Variants in IL17RD observed in about 807,000 individuals in gnomAD.
IL17RD encodes interleukin 17 receptor D.
Under a neutral mutation model 80.5 loss-of-function variants are expected in IL17RD, and 52 were observed. The ratio of observed to expected loss-of-function variants is 0.65; its 90% confidence interval spans 0.52 to 0.81. IL17RD has a LOEUF of 0.81. IL17RD is among the 40% of genes least tolerant of loss of function. The pLI is 0.00. For missense variants in IL17RD, 1,024 were observed against 955.1 expected, an observed-to-expected ratio of 1.07 and a Z score of -0.95; for synonymous variants, 416 against 391.8, an observed-to-expected ratio of 1.06 and a Z score of -0.73.
chr3:57,163,974 GT>G (rs977162488), intron 1 of IL17RD, among the ~76,000 whole-genome samples: 2 of 152,148 alleles, frequency 1.3e-5, no homozygotes, highest in Non-Finnish European at 2.9e-5. Flanking sequence ...CTAAGGGAGT[GT>G]TATGTCCTAG....
At position 57,093,964 on chromosome 3, in the gene IL17RD, T is replaced by C. The variant is rs770541597; in HGVS notation, c.*2429A>G. ...TCCCTGGTCTCTTTTCTAGAGGACG[T>C]TGTCTAACCTATCTACACAAGCCTT... On this transcript the variant is annotated 3_prime_UTR_variant, in exon 13 of 13. Transcript: ENST00000296318. 2 of 151,544 alleles carry C rather than the reference T, an allele frequency of 1.3e-5. No homozygotes were observed. The highest frequency in any genetic ancestry group is 3.0e-5 in the Non-Finnish European group (2 of 67,748). 9.4% of individuals were successfully genotyped at this position (151,544 alleles called of 1,614,324 possible).
In IL17RD at chr3:57,092,676, CT is replaced by C. The variant is rs1460918739; in HGVS notation, c.*3716del. The C allele has an allele frequency of 6.6e-6, 1 of 152,160 alleles. No individual in the cohort carries two copies. Among genetic ancestry groups the C allele is most frequent in the Non-Finnish European group, 1.5e-5 (1 of 68,024 alleles). 9.4% of individuals were successfully genotyped at this position (152,160 alleles called of 1,614,324 possible). A position where few individuals can be genotyped will look rare whatever the true frequency, so the allele number is the denominator to read the frequency against. On this transcript the variant is annotated 3_prime_UTR_variant, in exon 13 of 13. Coordinates refer to ENST00000296318, the MANE Select transcript of IL17RD (RefSeq NM_017563.5). ...TGAAATTAACAACTGGCTTGCCTTTCTTTTAAGACACTGTGAAATGTAAAGA... is the reference window on the plus strand; with the variant it reads ...TGAAATTAACAACTGGCTTGCCTTTCTTTAAGACACTGTGAAATGTAAAGA...
At position 57,097,804 on chromosome 3, in the gene IL17RD, G is replaced by A. The variant is rs1257377974; in HGVS notation, c.1899C>T (p.Ala633=). ...CGGCGCTACCGTCAAGGGCAGGCCG[G>A]GCCTCCCCGTCTTGGTCCAGGCCCC... ...QHGGLDQDGE[A]RPALDGSAAL... The change falls in exon 12 of 13, where the codon GCC becomes GCT. Residue 633 remains alanine (A), a synonymous_variant. Transcript: ENST00000296318. 4 of 1,606,526 alleles carry A rather than the reference G, an allele frequency of 2.5e-6. No individual in the cohort carries two copies. The highest frequency in any genetic ancestry group is 2.5e-6 in the Non-Finnish European group (3 of 1,176,476).
At chr3:57,146,037 G>GCA (rs990836288) in intron 1 of IL17RD, among the ~76,000 whole-genome samples, 21 of 103,990 alleles carry the variant, frequency 2.0e-4, no homozygotes, top group Admixed American at 1.3e-3. Flanking sequence ...ACTCACGCGC[G>GCA]CGCGCGCGCA....
At chr3:57,124,536 T>C (rs1478984806) in intron 1 of IL17RD, among the ~76,000 whole-genome samples, 2 of 151,770 alleles carry the variant, frequency 1.3e-5, no homozygotes, top group Non-Finnish European at 2.9e-5. Context: ...AAGGAGGAGC[T>C]AAGGAGCCAC....
rs924754875 is a variant in IL17RD, at chr3:57,162,297, C to T, written c.126+2864G>A. On this transcript the variant is annotated intron_variant, in intron 1 of 12. Transcript: ENST00000296318. ...ACTTGGTGCTGCACCTTGCTGCCCC[C>T]TCTCAGGTTCTGAGTATGGCCCAGG... 4.1e-4 allele frequency among the ~76,000 whole-genome samples: 62 copies of T among 152,382 alleles called. 1 individual carries two copies. Among genetic ancestry groups the T allele is most frequent in the African/African-American group, 1.5e-3 (61 of 41,582 alleles).
chr3:57,137,211 T>A, intron 1 of IL17RD, among the ~76,000 whole-genome samples: 1 of 152,094 alleles, frequency 6.6e-6, no homozygotes, highest in East Asian at 1.9e-4. Context: ...ACTTCCCACA[T>A]CCCTGGAAGT....
intron 1 of IL17RD, among the ~76,000 whole-genome samples, chr3:57,145,860 TCA>T (rs1707914058): frequency 6.6e-6 from 1 of 152,182 alleles, no homozygotes; most frequent in Non-Finnish European, 1.5e-5. Flanking sequence ...GATGCTCTCA[TCA>T]CACATGTCAC....
At chr3:57,127,410 A>ATTTTTT (rs1383285776) in intron 1 of IL17RD, among the ~76,000 whole-genome samples, 1 of 85,998 alleles carries the variant, frequency 1.2e-5, no homozygotes, top group East Asian at 5.8e-4. Context: ...ATATATATAT[A>ATTTTTT]TATTTTTTTT....
chr3:57,146,029 T>TCATGCG (rs1553627607), intron 1 of IL17RD, among the ~76,000 whole-genome samples: 1 of 136,416 alleles, frequency 7.3e-6, no homozygotes, highest in Non-Finnish European at 1.6e-5. Flanking sequence ...ACACACACAC[T>TCATGCG]CACGCGCGCG....
intron 5 of IL17RD, among the ~76,000 whole-genome samples, chr3:57,107,626 G>A (rs1706995007): frequency 6.6e-6 from 1 of 152,166 alleles, no homozygotes; most frequent in Non-Finnish European, 1.5e-5. Context: ...GTTCCAGGGC[G>A]ACCAGCCACC....
At chr3:57,110,950 C>G (rs933133441) in intron 3 of IL17RD, among the ~76,000 whole-genome samples, 5 of 152,230 alleles carry the variant, frequency 3.3e-5, no homozygotes, top group Non-Finnish European at 7.3e-5. Flanking sequence ...CCCCGAGACA[C>G]CCACAGCGCC....
Position 57,110,724 on chromosome 3 carries a change from C to T in IL17RD, c.311-413G>A, listed in dbSNP as rs898769790. Among the ~76,000 whole-genome samples the T allele has an allele frequency of 2.0e-5, 3 of 152,236 alleles. No homozygotes were observed. The South Asian group carries it at 6.2e-4, about 31-fold the overall frequency. On this transcript the variant is annotated intron_variant, in intron 3 of 12. Transcript: ENST00000296318. ...GGAATCCCCCAAAACCATGTTTCCACTTTAAGTTTTAGCTCTACATTTTTT... is the reference window on the plus strand; with the variant it reads ...GGAATCCCCCAAAACCATGTTTCCATTTTAAGTTTTAGCTCTACATTTTTT...
At chr3:57,157,160 CAACT>C (rs1274802733) in intron 1 of IL17RD, among the ~76,000 whole-genome samples, 1 of 152,088 alleles carries the variant, frequency 6.6e-6, no homozygotes, top group African/African-American at 2.4e-5. Flanking sequence ...TACTGGGAAC[CAACT>C]GAGACATGGG....
chr3:57,136,548 G>A (rs1329534537), intron 1 of IL17RD, among the ~76,000 whole-genome samples: 2 of 151,254 alleles, frequency 1.3e-5, no homozygotes, highest in African/African-American at 4.9e-5. Flanking sequence ...CTTGAGCCCA[G>A]GAGGTTGAGG....
At chr3:57,129,321 T>G (rs1264141738) in intron 1 of IL17RD, among the ~76,000 whole-genome samples, 1 of 152,168 alleles carries the variant, frequency 6.6e-6, no homozygotes, top group Non-Finnish European at 1.5e-5. Context: ...CGAAAAAGTC[T>G]CTTCCTATGA....
rs1707306100 is a variant in IL17RD, at chr3:57,120,300, G to A, written c.140C>T (p.Ala47Val). 2 of 1,613,418 alleles carry A rather than the reference G, an allele frequency of 1.2e-6. No individual in the cohort carries two copies. Among genetic ancestry groups the A allele is most frequent in the African/African-American group, 2.7e-5 (2 of 75,028 alleles). ...DTCGWRGVGP[A>V]SRNSGLYNIT... is the part of the protein sequence containing the mutation. ...GTTGTACAGCCCACTGTTTCTGCTGGCTGGCCCCACTCCCTGTGGGAAAAC... is the reference window on the plus strand; with the variant it reads ...GTTGTACAGCCCACTGTTTCTGCTGACTGGCCCCACTCCCTGTGGGAAAAC... The change falls in exon 2 of 13, where the codon GCC (alanine) becomes GTC (valine). Residue 47 changes from alanine to valine, a missense_variant. Coordinates refer to ENST00000296318, the MANE Select transcript of IL17RD (RefSeq NM_017563.5).
intron 1 of IL17RD, among the ~76,000 whole-genome samples, chr3:57,125,979 T>C (rs951336833): frequency 2.0e-5 from 3 of 152,132 alleles, no homozygotes; most frequent in Admixed American, 6.5e-5. Context: ...TTACACTGAT[T>C]TATGGGCTTA....
intron 12 of IL17RD, 37 bp from the exon 13 acceptor site, chr3:57,096,542 T>C: frequency 7.4e-7 from 1 of 1,358,878 alleles, no homozygotes; most frequent in East Asian, 2.3e-5. Context: ...ACACTGTCAT[T>C]GCATTTCACT....
Sources: allele counts gnomAD v4.1 joint callset (sites outside exome capture counted in the v4.1 genomes callset), GRCh38; gene constraint gnomAD v4.1.1; transcripts MANE v1.5; gene names NCBI Gene and HGNC (gene_info 2026-07-23, HGNC 2026-07-21).